DISC1: variants seen among roughly 807,000 people sequenced by gnomAD.
DISC1 encodes disrupted in schizophrenia 1 protein.
In DISC1, 57 loss-of-function variants were observed where a neutral mutation model predicts 84.5. The ratio of observed to expected loss-of-function variants is 0.67; its 90% CI spans 0.55 to 0.84. The LOEUF (loss-of-function observed/expected upper bound fraction) is 0.84, where lower values mean the gene tolerates loss of function less well. Ranked by LOEUF, DISC1 falls within the 40% of genes least tolerant of loss-of-function variation. The pLI is 0.00. For synonymous variants in DISC1, 411 were observed against 415.2 expected (o/e 0.99, Z 0.12); for missense variants, 1,000 against 1,057.8 (o/e 0.95, Z 0.76).
intron 9 of DISC1, among the ~76,000 whole-genome samples, chr1:231,950,468 A>G (rs1658157111): frequency 6.6e-6 from 1 of 152,206 alleles, no homozygotes. Context: ...TTGCTGAGAA[A>G]AGTTAGCCTG....
intron 10 of DISC1, among the ~76,000 whole-genome samples, chr1:231,969,007 C>T (rs1661520712): frequency 6.6e-6 from 1 of 152,028 alleles, no homozygotes; most frequent in East Asian, 1.9e-4. Flanking sequence ...GGAATTATGG[C>T]ACCATGGAAA....
intron 3 of DISC1, among the ~76,000 whole-genome samples, chr1:231,730,461 T>G (rs185118687): frequency 1.2e-3 from 188 of 152,344 alleles, no homozygotes; most frequent in African/African-American, 4.3e-3. Flanking sequence ...GGATACATGT[T>G]GTGCAGGTTT....
In DISC1 at chr1:231,954,462, G is replaced by A. The variant is rs1659047111; in HGVS notation, c.1982-4366G>A. Among the ~76,000 whole-genome samples the A allele has an allele frequency of 6.6e-6, 1 of 152,036 alleles. No homozygotes were observed. Among genetic ancestry groups the A allele is most frequent in the African/African-American group, 2.4e-5 (1 of 41,336 alleles). ...GTATGAATTCCACTCTGTTATCATG[G>A]CCTGAACCTGAATATCAGATTCCCT... is the stretch of plus-strand genomic sequence containing the variant. On this transcript the variant is annotated intron_variant, in intron 9 of 12. Coordinates refer to ENST00000439617, the MANE Select transcript of DISC1 (RefSeq NM_018662.3). The surrounding 1 kb of genome is among the most constrained non-coding windows in gnomAD (Gnocchi z 4.8).
Position 231,694,181 on chromosome 1 carries a change from T to C in DISC1, c.423T>C (p.Ala141=). The change falls in exon 2 of 13, where the codon GCT becomes GCC. Residue 141 remains alanine, a synonymous_variant. Transcript: ENST00000439617. ...GCTGGCCGTGTGGCCCTGGGAGTGCTGGGTGGCAGCAAGAGTTTGCAGCCA... is the reference window on the plus strand; with the variant it reads ...GCTGGCCGTGTGGCCCTGGGAGTGCCGGGTGGCAGCAAGAGTTTGCAGCCA... ...RLSWPCGPGS[A]GWQQEFAAMD... 2 of 1,614,192 alleles carry C rather than the reference T, an allele frequency of 1.2e-6. No individual in the cohort carries two copies. The highest frequency in any genetic ancestry group is 1.7e-6 in the Non-Finnish European group (2 of 1,180,024).
chr1:231,808,712 A>G (rs937141275), intron 8 of DISC1, among the ~76,000 whole-genome samples: 3 of 152,122 alleles, frequency 2.0e-5, no homozygotes, highest in Non-Finnish European at 2.9e-5. Flanking sequence ...ACTTGTTTAT[A>G]TGTCTTTGTG....
At chr1:231,638,453 G>A (rs763354091) in intron 1 of DISC1, among the ~76,000 whole-genome samples, 73 of 152,044 alleles carry the variant, frequency 4.8e-4, no homozygotes, top group Non-Finnish European at 7.2e-4. Flanking sequence ...TTTTCTTCTA[G>A]TATGTTTATA....
intron 3 of DISC1, among the ~76,000 whole-genome samples, chr1:231,711,171 C>G (rs2067773086): frequency 6.6e-6 from 1 of 152,032 alleles, no homozygotes; most frequent in South Asian, 2.1e-4. Context: ...CAACTATCTA[C>G]TGAATATCTG....
At chr1:231,705,073 G>A (rs1356970136) in intron 3 of DISC1, among the ~76,000 whole-genome samples, 1 of 151,430 alleles carries the variant, frequency 6.6e-6, no homozygotes, top group Non-Finnish European at 1.5e-5. Context: ...TGGATCATGA[G>A]GTCAGGAGTT....
chr1:231,844,479 G>A (rs556788334), intron 9 of DISC1, among the ~76,000 whole-genome samples: 1 of 152,208 alleles, frequency 6.6e-6, no homozygotes, highest in East Asian at 1.9e-4. Context: ...TGTGGTTTAG[G>A]GTTTTCATGG....
chr1:231,729,987 T>C (rs572303769), intron 3 of DISC1, among the ~76,000 whole-genome samples: 1 of 152,250 alleles, frequency 6.6e-6, no homozygotes, highest in Admixed American at 6.5e-5. Context: ...AGCTGCAAAA[T>C]ATTCTATAAA....
intron 1 of DISC1, among the ~76,000 whole-genome samples, chr1:231,681,799 G>A (rs550404876): frequency 6.6e-6 from 1 of 152,024 alleles, no homozygotes; most frequent in African/African-American, 2.4e-5. Context: ...GGGTTCAAGC[G>A]ATTCTCCTGC....
chr1:231,813,657 C>G (rs1484907423), intron 8 of DISC1, among the ~76,000 whole-genome samples: 1 of 152,140 alleles, frequency 6.6e-6, no homozygotes, highest in African/African-American at 2.4e-5. Context: ...TGGGTCCAAC[C>G]CATCAGCTTG....
intron 9 of DISC1, among the ~76,000 whole-genome samples, chr1:231,821,800 G>A (rs938124960): frequency 6.7e-5 from 10 of 148,816 alleles, no homozygotes; most frequent in African/African-American, 1.7e-4. Flanking sequence ...TGCAACCTCC[G>A]TCTCCCAGGT....
chr1:231,947,988 G>C (rs1209983273), intron 9 of DISC1, among the ~76,000 whole-genome samples: 1 of 152,168 alleles, frequency 6.6e-6, no homozygotes, highest in East Asian at 1.9e-4. Flanking sequence ...GGGGAAATAG[G>C]GATGCTTTTA....
chr1:231,902,355 A>G (rs1407058218), intron 9 of DISC1, among the ~76,000 whole-genome samples: 1 of 152,172 alleles, frequency 6.6e-6, no homozygotes, highest in Middle Eastern at 3.2e-3. Flanking sequence ...AATAATCACT[A>G]TATGGGAGGC....
Position 231,954,957 on chromosome 1 carries a change from T to G in DISC1, c.1982-3871T>G, listed in dbSNP as rs755659692. On this transcript the variant is annotated intron_variant, in intron 9 of 12. Coordinates refer to ENST00000439617, the MANE Select transcript of DISC1 (RefSeq NM_018662.3). This position sits in a 1 kb window ranked among gnomAD's most constrained non-coding sequence, Gnocchi z 4.8. ...GCCTCCAGGCAAGAAGAAAAGCCCATGGCTTTGCCTGGAAGTTCTTGTGCA... is the reference window on the plus strand; with the variant it reads ...GCCTCCAGGCAAGAAGAAAAGCCCAGGGCTTTGCCTGGAAGTTCTTGTGCA... Among the ~76,000 whole-genome samples, 1 of 152,316 alleles carries G rather than the reference T, an allele frequency of 6.6e-6. No individual in the cohort carries two copies. Among genetic ancestry groups the G allele is most frequent in the South Asian group, 2.1e-4 (1 of 4,830 alleles).
rs551518227 is a variant in DISC1 at position 231,931,824 on chromosome 1, A to T, written c.1982-27004A>T. Among the ~76,000 whole-genome samples, 453 of 150,434 alleles carry T rather than the reference A, an allele frequency of 3.0e-3. 2 individuals are homozygous for T. Among genetic ancestry groups the T allele is most frequent in the African/African-American group, 9.1e-3 (373 of 40,964 alleles). ...CTACCATGCCAGATAATTAAAAAAA[A>T]TTTTTTTTTTATAGACAAGGTCTCA... On this transcript the variant is annotated intron_variant, in intron 9 of 12. Transcript: ENST00000439617.
At chr1:231,838,869 T>G (rs139186636) in intron 9 of DISC1, among the ~76,000 whole-genome samples, 1 of 152,182 alleles carries the variant, frequency 6.6e-6, no homozygotes, top group African/African-American at 2.4e-5. Context: ...CTACAACACA[T>G]GTTGAGCGCC....
At chr1:231,704,189 GAATT>G (rs2066744539) in intron 3 of DISC1, among the ~76,000 whole-genome samples, 2 of 152,282 alleles carry the variant, frequency 1.3e-5, no homozygotes, top group African/African-American at 2.4e-5. Context: ...TGGTGTGAGG[GAATT>G]AATTAATAAA....
Sources: gnomAD v4.1 joint callset for allele counts (sites outside exome capture counted in the v4.1 genomes callset) on GRCh38, gnomAD v4.1.1 for gene constraint, Gnocchi (gnomAD v3.1) non-coding constraint, MANE v1.5 for transcripts, NCBI Gene and HGNC (gene_info 2026-07-23, HGNC 2026-07-21) for gene names.